The following BMERB1 variants were observed in gnomAD, a reference collection of about 807,000 sequenced individuals.
The protein encoded by BMERB1 is bMERB domain containing 1, also known as bMERB domain-containing protein 1.
Under a neutral mutation model 23.6 loss-of-function variants are expected in BMERB1, and 12 were observed. The ratio of observed to expected loss-of-function variants is 0.51; its 90% CI spans 0.33 to 0.82. The LOEUF (loss-of-function observed/expected upper bound fraction) is 0.82. BMERB1 is among the 40% of genes least tolerant of loss of function. The probability of loss-of-function intolerance (pLI) is 0.03; values close to 1 mark genes in which losing one functional copy is unlikely to be tolerated. For missense variants in BMERB1, 247 were observed against 255.4 expected (o/e 0.97, Z 0.22); for synonymous variants, 122 against 96.6 (o/e 1.26, Z -1.54).
At chr16:15,497,215 C>G (rs1211311954) in intron 1 of BMERB1, among the ~76,000 whole-genome samples, 4 of 152,154 alleles carry the variant, frequency 2.6e-5, no homozygotes. Context: ...GAGCCAGTAA[C>G]TCAGTCTCAC....
At chr16:15,566,254 T>C (rs972122424) in intron 2 of BMERB1, among the ~76,000 whole-genome samples, 2 of 152,026 alleles carry the variant, frequency 1.3e-5, no homozygotes, top group Non-Finnish European at 2.9e-5. Flanking sequence ...CAAAACTAGG[T>C]TGCAAAAGCA....
intron 1 of BMERB1, among the ~76,000 whole-genome samples, chr16:15,452,871 C>T (rs1473678297): frequency 1.3e-5 from 2 of 152,122 alleles, no homozygotes; most frequent in African/African-American, 2.4e-5. Context: ...CAGCATTTCA[C>T]GGGTGAGGTG....
intron 1 of BMERB1, among the ~76,000 whole-genome samples, chr16:15,499,546 C>T (rs1352680627): frequency 6.6e-6 from 1 of 152,124 alleles, no homozygotes; most frequent in African/African-American, 2.4e-5. Context: ...AAAGAAATTC[C>T]TACAATCAGC....
chr16:15,519,116 ACT>A (rs1268681004), intron 2 of BMERB1, among the ~76,000 whole-genome samples: 15 of 118,944 alleles, frequency 1.3e-4, no homozygotes, highest in African/African-American at 4.1e-4. Flanking sequence ...CACGTGAGAC[ACT>A]CTTGGCACAG....
intron 1 of BMERB1, among the ~76,000 whole-genome samples, chr16:15,466,559 C>T (rs551165986): frequency 6.6e-5 from 10 of 151,886 alleles, no homozygotes; most frequent in Admixed American, 1.3e-4. Context: ...TTGTAGTTTG[C>T]GTGCAGTTGT....
intron 1 of BMERB1, among the ~76,000 whole-genome samples, chr16:15,456,632 A>T (rs2051089599): frequency 6.6e-6 from 1 of 151,948 alleles, no homozygotes; most frequent in Non-Finnish European, 1.5e-5. Context: ...AGCCAAAAAA[A>T]GTATCTTGTG....
intron 1 of BMERB1, among the ~76,000 whole-genome samples, chr16:15,476,251 C>T (rs1384138564): frequency 6.7e-6 from 1 of 150,128 alleles, no homozygotes; most frequent in Non-Finnish European, 1.5e-5. Context: ...CAGCCTCCGC[C>T]TCCCGGGTTC....
chr16:15,512,196 G>C (rs1488152123), intron 1 of BMERB1, among the ~76,000 whole-genome samples: 1 of 151,994 alleles, frequency 6.6e-6, no homozygotes, highest in East Asian at 1.9e-4. Context: ...GACACATCAC[G>C]GGGTAGGTAA....
chr16:15,588,162 G>A lies in BMERB1; in HGVS notation c.*1333G>A, dbSNP rs960801803. On this transcript the variant is annotated 3_prime_UTR_variant, in exon 6 of 6. Coordinates refer to ENST00000300006, the MANE Select transcript of BMERB1 (RefSeq NM_033201.3). ...ATTTTTTCATCGTTGACATCATATT[G>A]TGGTATCATTTATAACCAGTTTTTT... 4.6e-5 allele frequency: 7 copies of A among 151,582 alleles called. No individual in the cohort carries two copies. Among genetic ancestry groups the A allele is most frequent in the African/African-American group, 1.7e-4 (7 of 41,210 alleles). 9.4% of individuals were successfully genotyped at this position (151,582 alleles called of 1,614,324 possible). A position where few individuals can be genotyped will look rare whatever the true frequency, so the allele number is the denominator to read the frequency against.
intron 1 of BMERB1, among the ~76,000 whole-genome samples, chr16:15,501,644 T>G (rs1187758805): frequency 6.6e-6 from 1 of 152,174 alleles, no homozygotes; most frequent in East Asian, 1.9e-4. Flanking sequence ...CTGGCTAATT[T>G]TTGTATTTTT....
chr16:15,539,746 G>A (rs560863217), intron 2 of BMERB1, among the ~76,000 whole-genome samples: 80 of 152,046 alleles, frequency 5.3e-4, no homozygotes, highest in Non-Finnish European at 9.0e-4. Flanking sequence ...GGAAGGCTGA[G>A]GCAGGAGAAT....
At chr16:15,490,607 T>C (rs2051411577) in intron 1 of BMERB1, among the ~76,000 whole-genome samples, 3 of 152,152 alleles carry the variant, frequency 2.0e-5, no homozygotes, top group Non-Finnish European at 4.4e-5. Flanking sequence ...TAGACCCCAC[T>C]TTCTTGTCCA....
chr16:15,502,291 C>A, intron 1 of BMERB1: 2 of 1,551,270 alleles, frequency 1.3e-6, no homozygotes, highest in Admixed American at 3.9e-5. Context: ...GGATGTGAAG[C>A]CTGTCAGTTT....
chr16:15,585,428 T>C (rs778502747), intron 5 of BMERB1, among the ~76,000 whole-genome samples: 14 of 152,202 alleles, frequency 9.2e-5, no homozygotes, highest in Non-Finnish European at 1.8e-4. Flanking sequence ...TCTGGGATCC[T>C]AGCAGATTTA....
chr16:15,534,003 C>T (rs1190644296), intron 2 of BMERB1, among the ~76,000 whole-genome samples: 2 of 152,066 alleles, frequency 1.3e-5, no homozygotes, highest in South Asian at 4.1e-4. Flanking sequence ...AGGCTTGGTT[C>T]CTTGAGTCCT....
At chr16:15,532,217 T>G (rs1238881211) in intron 2 of BMERB1, among the ~76,000 whole-genome samples, 5 of 151,540 alleles carry the variant, frequency 3.3e-5, no homozygotes, top group Non-Finnish European at 5.9e-5. Flanking sequence ...GTAGGATCCC[T>G]GTTTTGTTTT....
chr16:15,581,515 A>C, intron 4 of BMERB1, 184 bp downstream of exon 4: 1 of 499,430 alleles, frequency 2.0e-6, no homozygotes. Context: ...CATTTTGTAT[A>C]TAAGAGAATT....
chr16:15,551,228 T>G (rs1291673244), intron 2 of BMERB1, among the ~76,000 whole-genome samples: 1 of 152,202 alleles, frequency 6.6e-6, no homozygotes, highest in African/African-American at 2.4e-5. Context: ...CTGCAGTCTT[T>G]AGGCCTTGTT....
At chr16:15,492,218 G>A (rs1399374228) in intron 1 of BMERB1, among the ~76,000 whole-genome samples, 4 of 151,992 alleles carry the variant, frequency 2.6e-5, no homozygotes, top group African/African-American at 9.7e-5. Context: ...TTGTTTTTTC[G>A]ACATCATTGG....
Sources: gnomAD v4.1 joint callset for allele counts (sites outside exome capture counted in the v4.1 genomes callset) on GRCh38, gnomAD v4.1.1 for gene constraint, MANE v1.5 for transcripts, NCBI Gene and HGNC (gene_info 2026-07-23, HGNC 2026-07-21) for gene names.